The following CNTN3 variants were observed in gnomAD, a reference collection of about 807,000 sequenced individuals.
CNTN3 encodes the protein contactin-3.
In CNTN3, 60 loss-of-function variants were observed where a neutral mutation model predicts 119.1. That is an observed-to-expected ratio of 0.50 (90% CI 0.41 to 0.62). The LOEUF is 0.62. Ranked by LOEUF, CNTN3 falls within the 20% of genes least tolerant of loss-of-function variation. The pLI is 0.00. For synonymous variants in CNTN3, 450 were observed against 438.7 expected, an observed-to-expected ratio of 1.03 and a Z score of -0.32; for missense variants, 1,101 against 1,242.4, an observed-to-expected ratio of 0.89 and a Z score of 1.71.
At chr3:74,576,569 A>C (rs1033943982) in intron 1 of CNTN3, among the ~76,000 whole-genome samples, 1 of 152,176 alleles carries the variant, frequency 6.6e-6, no homozygotes, top group Non-Finnish European at 1.5e-5. Context: ...ACTAGAAAAG[A>C]GGTTCTTTTT....
At chr3:74,437,428 C>T (rs1701887032) in intron 4 of CNTN3, among the ~76,000 whole-genome samples, 1 of 152,066 alleles carries the variant, frequency 6.6e-6, no homozygotes, top group South Asian at 2.1e-4. Flanking sequence ...CACCACTGCA[C>T]TCCAACCTGG....
chr3:74,495,371 A>C (rs1011468510), intron 3 of CNTN3, among the ~76,000 whole-genome samples: 3 of 152,084 alleles, frequency 2.0e-5, no homozygotes, highest in African/African-American at 7.2e-5. Context: ...AATGTCATAT[A>C]TATGCTATAT....
At chr3:74,555,658 G>A (rs1327165626) in intron 1 of CNTN3, among the ~76,000 whole-genome samples, 4 of 152,182 alleles carry the variant, frequency 2.6e-5, no homozygotes, top group Non-Finnish European at 5.9e-5. Flanking sequence ...TATGTGTCCA[G>A]GAATTTACCC....
At chr3:74,568,183 T>C (rs934886878) in intron 1 of CNTN3, among the ~76,000 whole-genome samples, 1 of 151,246 alleles carries the variant, frequency 6.6e-6, no homozygotes, top group Non-Finnish European at 1.5e-5. Context: ...AGGAATTACT[T>C]AATGATTTAA....
At chr3:74,596,513 A>G (rs1357974911) in intron 1 of CNTN3, among the ~76,000 whole-genome samples, 1 of 152,100 alleles carries the variant, frequency 6.6e-6, no homozygotes, top group African/African-American at 2.4e-5. Context: ...AACAGAACAG[A>G]GCCCTCAGAA....
At chr3:74,433,855 T>C (rs1701826051) in intron 4 of CNTN3, among the ~76,000 whole-genome samples, 1 of 152,230 alleles carries the variant, frequency 6.6e-6, no homozygotes, top group Admixed American at 6.5e-5. Flanking sequence ...CTTTCTTATT[T>C]TCTATACTTT....
intron 4 of CNTN3, among the ~76,000 whole-genome samples, chr3:74,453,811 T>G (rs533889228): frequency 1.3e-5 from 2 of 152,030 alleles, no homozygotes; most frequent in Admixed American, 6.6e-5. Context: ...TCAGTTTCCA[T>G]GTAGTTGGGC....
chr3:74,365,464 A>T (rs1704166120), intron 9 of CNTN3, 102 bp downstream of exon 9: 1 of 1,443,988 alleles, frequency 6.9e-7, no homozygotes, highest in Non-Finnish European at 9.6e-7. Flanking sequence ...TCAACAGTTT[A>T]TTTTGGGACT....
chr3:74,598,301 C>G (rs1340863570), intron 1 of CNTN3, among the ~76,000 whole-genome samples: 2 of 151,964 alleles, frequency 1.3e-5, no homozygotes, highest in Non-Finnish European at 2.9e-5. Context: ...AGATCCCAGC[C>G]ATTTCGGTTG....
intron 1 of CNTN3, among the ~76,000 whole-genome samples, chr3:74,613,272 T>C (rs964524912): frequency 6.7e-6 from 1 of 148,852 alleles, no homozygotes; most frequent in Non-Finnish European, 1.5e-5. Context: ...CTTCCTACTT[T>C]TTTTTTTTTT....
At chr3:74,607,007 G>A (rs1705004138) in intron 1 of CNTN3, among the ~76,000 whole-genome samples, 1 of 152,094 alleles carries the variant, frequency 6.6e-6, no homozygotes, top group African/African-American at 2.4e-5. Context: ...ACTTGGGCCT[G>A]CATGGCTCAC....
intron 1 of CNTN3, among the ~76,000 whole-genome samples, chr3:74,609,432 T>C (rs1705044594): frequency 1.3e-5 from 2 of 152,156 alleles, no homozygotes; most frequent in Admixed American, 6.5e-5. Context: ...TTTTAATCGG[T>C]GGACTGGCTA....
chr3:74,526,707 C>A (rs904893891), intron 1 of CNTN3, among the ~76,000 whole-genome samples: 1 of 151,800 alleles, frequency 6.6e-6, no homozygotes, highest in African/African-American at 2.4e-5. Flanking sequence ...CCTTCCATAC[C>A]CACAGTTCTG....
At chr3:74,358,593 T>TTTTA (rs1328292594) in intron 11 of CNTN3, among the ~76,000 whole-genome samples, 1 of 98,664 alleles carries the variant, frequency 1.0e-5, no homozygotes, top group Admixed American at 1.0e-4. Context: ...TTTTTTTTTT[T>TTTTA]TTGATTTATT....
chr3:74,406,384 A>T (rs1230460260), intron 5 of CNTN3, among the ~76,000 whole-genome samples: 1 of 152,072 alleles, frequency 6.6e-6, no homozygotes, highest in African/African-American at 2.4e-5. Flanking sequence ...TAAGGAAAAA[A>T]ATAAGACTGA....
chr3:74,545,311 C>T (rs888711340), intron 1 of CNTN3, among the ~76,000 whole-genome samples: 2 of 152,152 alleles, frequency 1.3e-5, no homozygotes, highest in Non-Finnish European at 1.5e-5. Context: ...TCAAAACTGT[C>T]AAAATAATTT....
chr3:74,411,153 T>C (rs1701432057), intron 5 of CNTN3, among the ~76,000 whole-genome samples: 1 of 152,032 alleles, frequency 6.6e-6, no homozygotes, highest in Non-Finnish European at 1.5e-5. Flanking sequence ...TTCTTTATAA[T>C]TGGTCAGCCC....
chr3:74,614,278 G>A (rs1705131838), intron 1 of CNTN3, among the ~76,000 whole-genome samples, 113 bp downstream of exon 1: 1 of 152,144 alleles, frequency 6.6e-6, no homozygotes, highest in Admixed American at 6.5e-5. Flanking sequence ...GCATTTCCCT[G>A]CAAACAAACT....
At chr3:74,274,233 C>T (rs1701837572) in intron 20 of CNTN3, among the ~76,000 whole-genome samples, 1 of 152,068 alleles carries the variant, frequency 6.6e-6, no homozygotes, top group Non-Finnish European at 1.5e-5. Flanking sequence ...GGTAGCTGAA[C>T]ACAAAAGGCA....
Sources: gnomAD v4.1 joint callset for allele counts (sites outside exome capture counted in the v4.1 genomes callset) on GRCh38, gnomAD v4.1.1 for gene constraint, MANE v1.5 for transcripts, NCBI Gene and HGNC (gene_info 2026-07-23, HGNC 2026-07-21) for gene names.